The following S100PBP variants were observed in gnomAD, a reference collection of about 807,000 sequenced individuals.
The protein encoded by S100PBP is S100P binding protein.
A neutral mutation model predicts 39.9 loss-of-function variants in S100PBP; 15 were observed. The ratio of observed to expected loss-of-function variants is 0.38; its 90% CI spans 0.25 to 0.58. The LOEUF is 0.58. Ranked by LOEUF, S100PBP falls within the 20% of genes least tolerant of loss-of-function variation. S100PBP has a pLI of 0.70. For synonymous variants in S100PBP, 178 were observed against 180.3 expected, an observed-to-expected ratio of 0.99 and a Z score of 0.10; for missense variants, 504 against 487.3, an observed-to-expected ratio of 1.03 and a Z score of -0.32.
chr1:32,848,420 CTG>C (rs1307854341), intron 5 of S100PBP, among the ~76,000 whole-genome samples: 1 of 152,200 alleles, frequency 6.6e-6, no homozygotes, highest in Non-Finnish European at 1.5e-5. Context: ...TCTCAAGTAA[CTG>C]TTTTTCCTAG....
intron 1 of S100PBP, among the ~76,000 whole-genome samples, chr1:32,820,801 A>C (rs1308943261): frequency 2.6e-5 from 4 of 152,022 alleles, no homozygotes; most frequent in Non-Finnish European, 5.9e-5. Context: ...CCAGGAGTTC[A>C]ATACCAGCCT....
chr1:32,838,071 G>A (rs1465117616), intron 5 of S100PBP, among the ~76,000 whole-genome samples: 1 of 152,144 alleles, frequency 6.6e-6, no homozygotes, highest in Non-Finnish European at 1.5e-5. Flanking sequence ...GCTGGGTGCG[G>A]TGGCTCACGC....
intron 1 of S100PBP, among the ~76,000 whole-genome samples, chr1:32,823,812 A>G (rs1639193413): frequency 6.6e-6 from 1 of 152,240 alleles, no homozygotes; most frequent in Admixed American, 6.5e-5. Context: ...TTATGAGGGC[A>G]GGAGCTATAC....
chr1:32,856,065 G>C lies in S100PBP; in HGVS notation c.*27G>C. ...TTGTGTCATCCCATCAGCAATGAAG[G>C]TCCCTATCCAGGGTCCTGCTTGGAG... On this transcript the variant is annotated 3_prime_UTR_variant, in exon 7 of 7. Coordinates refer to ENST00000373475, the MANE Select transcript of S100PBP (RefSeq NM_022753.4). The C allele has an allele frequency of 6.9e-7, 1 of 1,458,352 alleles. No individual in the cohort carries two copies. Among genetic ancestry groups the C allele is most frequent in the Non-Finnish European group, 9.6e-7 (1 of 1,039,418 alleles). The allele number at this position is 1,458,352 out of a possible 1,614,324, so 90.3% of individuals were successfully genotyped here. A position where few individuals can be genotyped will look rare whatever the true frequency, so the allele number is the denominator to read the frequency against.
At chr1:32,838,651 T>C (rs1639954029) in intron 5 of S100PBP, among the ~76,000 whole-genome samples, 1 of 152,128 alleles carries the variant, frequency 6.6e-6, no homozygotes. Flanking sequence ...AAGACCAGCC[T>C]GGCCAACGTG....
intron 5 of S100PBP, chr1:32,843,201 T>C (rs1053139161): frequency 1.3e-5 from 2 of 152,246 alleles, no homozygotes; most frequent in African/African-American, 2.4e-5. Flanking sequence ...GGTTATCTTA[T>C]TGTCAGCAAA....
chr1:32,857,512 T>C lies in S100PBP; in HGVS notation c.*1474T>C, dbSNP rs1640870075. 6.6e-6 allele frequency: 1 copy of C among 152,232 alleles called. No homozygotes were observed. The highest frequency in any genetic ancestry group is 1.5e-5 in the Non-Finnish European group (1 of 68,078). The allele number at this position is 152,232 out of a possible 1,614,324, so 9.4% of individuals were successfully genotyped here. A position where few individuals can be genotyped will look rare whatever the true frequency, so the allele number is the denominator to read the frequency against. ...TTTTAGTAGAGACAGGATTTCTCCATGTTGGTCAGGCTGGTCTTGAACTCC... is the reference window on the plus strand; with the variant it reads ...TTTTAGTAGAGACAGGATTTCTCCACGTTGGTCAGGCTGGTCTTGAACTCC... On this transcript the variant is annotated 3_prime_UTR_variant, in exon 7 of 7. Transcript: ENST00000373475.
intron 5 of S100PBP, chr1:32,842,769 T>A (rs1640178552): frequency 6.6e-6 from 1 of 152,068 alleles, no homozygotes. Flanking sequence ...TTAATTTTTT[T>A]ATTTTTAATA....
At chr1:32,837,890 A>T (rs1639905087) in intron 5 of S100PBP, among the ~76,000 whole-genome samples, 1 of 152,210 alleles carries the variant, frequency 6.6e-6, no homozygotes, top group African/African-American at 2.4e-5. Context: ...CCATTCACTT[A>T]GATGGGCATT....
intron 5 of S100PBP, among the ~76,000 whole-genome samples, chr1:32,838,602 G>A (rs1387953588): frequency 6.6e-6 from 1 of 152,094 alleles, no homozygotes; most frequent in Non-Finnish European, 1.5e-5. Flanking sequence ...CAGCACTTTG[G>A]GAGGCTGGGG....
At chr1:32,831,005 G>T (rs188975755) in intron 5 of S100PBP, among the ~76,000 whole-genome samples, 2 of 151,960 alleles carry the variant, frequency 1.3e-5, no homozygotes, top group African/African-American at 4.8e-5. Flanking sequence ...ACTTGAACCC[G>T]GGAGGCAGAG....
chr1:32,822,297 T>C (rs556254826), intron 1 of S100PBP, among the ~76,000 whole-genome samples: 1 of 152,270 alleles, frequency 6.6e-6, no homozygotes, highest in East Asian at 1.9e-4. Flanking sequence ...TGTTTTACTT[T>C]CTTTATAATA....
At chr1:32,829,896 C>A in intron 4 of S100PBP, 68 bp from the exon 5 acceptor site, 1 of 1,079,952 alleles carries the variant, frequency 9.3e-7, no homozygotes, top group Non-Finnish European at 1.4e-6. Context: ...TATCACTTCT[C>A]TCTACAAAAC....
At chr1:32,838,013 G>A (rs1208148865) in intron 5 of S100PBP, among the ~76,000 whole-genome samples, 3 of 152,100 alleles carry the variant, frequency 2.0e-5, no homozygotes, top group Non-Finnish European at 4.4e-5. Context: ...AGAGTAAAAT[G>A]ACTGGGTCAT....
Position 32,826,632 on chromosome 1 carries a change from G to T in S100PBP, c.533G>T (p.Gly178Val). 2 of 1,614,100 alleles carry T rather than the reference G, an allele frequency of 1.2e-6. No homozygotes were observed. Among genetic ancestry groups the T allele is most frequent in the Non-Finnish European group, 1.7e-6 (2 of 1,180,036 alleles). ...SKDTEKLSSLGEEMREDGLSP... is the reference protein window; with the variant it reads ...SKDTEKLSSLVEEMREDGLSP... ...GATACTGAAAAACTCTCTTCCCTTG[G>T]AGAAGAGATGAGAGAAGATGGTCTT... The change falls in exon 3 of 7, where the codon GGA becomes GTA. Residue 178 changes from glycine (G) to valine (V), a missense_variant. Physicochemically the swap from Gly to Val is moderately radical, Grantham distance 109. Coordinates refer to ENST00000373475, the MANE Select transcript of S100PBP (RefSeq NM_022753.4).
At chr1:32,835,272 T>A (rs1639767571) in intron 5 of S100PBP, 1 of 152,240 alleles carries the variant, frequency 6.6e-6, no homozygotes, top group African/African-American at 2.4e-5. Context: ...CAATATGTTG[T>A]AATCAATTAT....
At chr1:32,819,915 C>G (rs1348122616) in intron 1 of S100PBP, among the ~76,000 whole-genome samples, 1 of 152,098 alleles carries the variant, frequency 6.6e-6, no homozygotes, top group Admixed American at 6.6e-5. Flanking sequence ...AGTTCAGAGA[C>G]TTGAAGTGAA....
At position 32,817,662 on chromosome 1, in the gene S100PBP, C is replaced by G. The variant is rs1638799753; in HGVS notation, c.-147C>G. ...GGGGGCGGAGTGAGGCGCAGTCGTT[C>G]GCCCAGGCTTTGGCCCGGCTTCCGG... On this transcript the variant is annotated 5_prime_UTR_variant, in exon 1 of 7. Coordinates refer to ENST00000373475, the MANE Select transcript of S100PBP (RefSeq NM_022753.4). The G allele has an allele frequency of 8.3e-6, 2 of 240,384 alleles. No individual in the cohort carries two copies. The highest frequency in any genetic ancestry group is 1.1e-4 in the South Asian group (2 of 17,598). 14.9% of individuals were successfully genotyped at this position (240,384 alleles called of 1,614,324 possible).
intron 4 of S100PBP, among the ~76,000 whole-genome samples, chr1:32,828,909 G>A (rs1639463857): frequency 6.6e-6 from 1 of 152,106 alleles, no homozygotes; most frequent in South Asian, 2.1e-4. Flanking sequence ...GACTGAGGTG[G>A]GAAGATTGCT....
Sources: allele counts gnomAD v4.1 joint callset (sites outside exome capture counted in the v4.1 genomes callset), GRCh38; gene constraint gnomAD v4.1.1; transcripts MANE v1.5; gene names NCBI Gene and HGNC (gene_info 2026-07-23, HGNC 2026-07-21).